The following MYO18B variants were observed in gnomAD, a reference collection of about 807,000 sequenced individuals.
The protein encoded by MYO18B is myosin XVIIIB, also known as unconventional myosin-XVIIIb.
In MYO18B, 204 loss-of-function variants were observed where a neutral mutation model predicts 273.0. The observed-to-expected ratio is 0.75, with a 90% CI of 0.67 to 0.84. MYO18B has a LOEUF of 0.84. MYO18B is among the 40% of genes least tolerant of loss of function. MYO18B has a pLI of 0.00. For missense variants in MYO18B, 3,212 were observed against 3,287.6 expected (o/e 0.98, Z 0.56); for synonymous variants, 1,330 against 1,305.7 (o/e 1.02, Z -0.40).
chr22:26,007,167 G>A (rs1934499721), intron 42 of MYO18B, among the ~76,000 whole-genome samples: 1 of 152,204 alleles, frequency 6.6e-6, no homozygotes, highest in African/African-American at 2.4e-5. Context: ...TCTGTAAGAA[G>A]GGATTTCTTG....
At chr22:26,026,163 C>T (rs1281407437) in intron 42 of MYO18B, among the ~76,000 whole-genome samples, 1 of 152,136 alleles carries the variant, frequency 6.6e-6, no homozygotes, top group East Asian at 1.9e-4. Flanking sequence ...GATATGATGC[C>T]TCATAAATCT....
At chr22:25,773,653 T>C (rs1409281053) in intron 7 of MYO18B, among the ~76,000 whole-genome samples, 5 of 152,188 alleles carry the variant, frequency 3.3e-5, no homozygotes, top group Middle Eastern at 3.4e-3. Flanking sequence ...TTAGTAGAGA[T>C]GGGGTTTCAC....
At chr22:25,966,196 A>G (rs1327000505) in intron 39 of MYO18B, among the ~76,000 whole-genome samples, 1 of 152,180 alleles carries the variant, frequency 6.6e-6, no homozygotes, top group East Asian at 1.9e-4. Flanking sequence ...TGAACATAGT[A>G]GGTAGGGGCC....
chr22:26,025,994 A>G (rs1936211753), intron 42 of MYO18B, among the ~76,000 whole-genome samples: 1 of 152,218 alleles, frequency 6.6e-6, no homozygotes, highest in African/African-American at 2.4e-5. Flanking sequence ...GTGGAGACAC[A>G]TATTTGGGTC....
intron 31 of MYO18B, among the ~76,000 whole-genome samples, chr22:25,904,777 C>G (rs913487857): frequency 2.6e-5 from 4 of 151,920 alleles, no homozygotes. Flanking sequence ...ATAAAACAAT[C>G]CAAACCACAA....
intron 29 of MYO18B, chr22:25,900,657 A>G (rs1244647503): frequency 6.6e-6 from 1 of 152,326 alleles, no homozygotes; most frequent in Non-Finnish European, 1.5e-5. Context: ...CTTTCTTAAC[A>G]GATTGAAGGT....
rs147134820 is a variant in MYO18B at position 25,828,868 on chromosome 22, C to A, written c.2879C>A (p.Ala960Glu). The part of the protein sequence containing the change: ...QNPRHQGKDR[A>E]ATFEELCHNY... ...CCCCGGCACCAGGGCAAGGACCGGG[C>A]GGCCACCTTTGAGGAGCTGTGCCAC... The change falls in exon 15 of 44, where the codon GCG (alanine) becomes GAG (glutamate). Residue 960 changes from alanine to glutamate, a missense_variant. Ala to Glu is a moderately radical substitution (Grantham distance 107). Transcript: ENST00000335473. The A allele has an allele frequency of 8.7e-6, 14 of 1,613,964 alleles. No individual in the cohort carries two copies. Among genetic ancestry groups the A allele is most frequent in the Non-Finnish European group, 1.2e-5 (14 of 1,179,886 alleles).
rs537413306 is a variant in MYO18B, at chr22:25,826,504, C to A, written c.2786+5C>A. The A allele has an allele frequency of 6.2e-7, 1 of 1,611,828 alleles. No individual in the cohort carries two copies. The highest frequency in any genetic ancestry group is 2.2e-5 in the East Asian group (1 of 44,856). ...TGTGGTCTCACTCATCAACAGGTAA[C>A]GGGGCCTTTTCCTAGGCACACAGTT... On this transcript the variant is annotated splice_donor_5th_base_variant and intron_variant, in intron 14 of 43. Coordinates refer to ENST00000335473, the MANE Select transcript of MYO18B (RefSeq NM_032608.7).
intron 7 of MYO18B, among the ~76,000 whole-genome samples, chr22:25,774,925 T>A (rs898306565): frequency 6.6e-6 from 1 of 152,214 alleles, no homozygotes; most frequent in African/African-American, 2.4e-5. Flanking sequence ...CCGCCGCAAC[T>A]GTTGCGTGCA....
At chr22:25,909,469 C>T (rs895485514) in intron 32 of MYO18B, among the ~76,000 whole-genome samples, 1 of 152,218 alleles carries the variant, frequency 6.6e-6, no homozygotes, top group African/African-American at 2.4e-5. Flanking sequence ...AACGAACTTG[C>T]TTTCTATAGA....
chr22:25,972,055 G>A (rs1170903549), intron 39 of MYO18B, among the ~76,000 whole-genome samples: 2 of 151,650 alleles, frequency 1.3e-5, no homozygotes, highest in Non-Finnish European at 2.9e-5. Flanking sequence ...CAAAGTGCTG[G>A]GATCACTGGG....
At chr22:25,789,497 G>A (rs570327201) in intron 11 of MYO18B, among the ~76,000 whole-genome samples, 5 of 151,876 alleles carry the variant, frequency 3.3e-5, no homozygotes, top group African/African-American at 9.7e-5. Context: ...TTAGCCAGGT[G>A]TGGTGGCACG....
intron 3 of MYO18B, 100 bp from the exon 4 acceptor site, chr22:25,768,014 TG>T: frequency 9.0e-7 from 1 of 1,105,434 alleles, no homozygotes; most frequent in East Asian, 2.4e-5. Flanking sequence ...GAAGGATGAA[TG>T]GAGAAGTGAA....
intron 40 of MYO18B, among the ~76,000 whole-genome samples, chr22:25,997,968 C>T (rs1177490976): frequency 7.9e-6 from 1 of 125,882 alleles, no homozygotes; most frequent in Non-Finnish European, 1.8e-5. Flanking sequence ...AACACACACA[C>T]ACACACACAC....
intron 12 of MYO18B, among the ~76,000 whole-genome samples, chr22:25,807,459 C>T (rs2088531436): frequency 1.3e-5 from 2 of 152,208 alleles, no homozygotes; most frequent in African/African-American, 2.4e-5. Flanking sequence ...TGTATCTGTA[C>T]TTTGGAAGGG....
intron 25 of MYO18B, among the ~76,000 whole-genome samples, chr22:25,888,585 A>G (rs752167818): frequency 1.3e-5 from 2 of 152,168 alleles, no homozygotes; most frequent in Non-Finnish European, 2.9e-5. Context: ...TTTAACAACC[A>G]TCTGAGGTCA....
At chr22:25,839,361 C>G (rs886229160) in intron 17 of MYO18B, among the ~76,000 whole-genome samples, 2 of 152,160 alleles carry the variant, frequency 1.3e-5, no homozygotes, top group African/African-American at 4.8e-5. Flanking sequence ...CGGCCCTGGC[C>G]GTGCTCACCC....
At chr22:25,750,867 G>A (rs1601587697) in intron 1 of MYO18B, among the ~76,000 whole-genome samples, 1 of 152,314 alleles carries the variant, frequency 6.6e-6, no homozygotes, top group South Asian at 2.1e-4. Flanking sequence ...CGGAGTCAGA[G>A]CCAGGAAGGG....
chr22:25,924,499 A>T (rs1374628309), intron 34 of MYO18B, among the ~76,000 whole-genome samples: 1 of 152,228 alleles, frequency 6.6e-6, no homozygotes, highest in Non-Finnish European at 1.5e-5. Flanking sequence ...AATAAATAGA[A>T]TCATCCCACA....
Sources: allele counts gnomAD v4.1 joint callset (sites outside exome capture counted in the v4.1 genomes callset), GRCh38; gene constraint gnomAD v4.1.1; transcripts MANE v1.5; gene names NCBI Gene and HGNC (gene_info 2026-07-23, HGNC 2026-07-21).